MMRN1: variants seen among roughly 807,000 people sequenced by gnomAD.
MMRN1 encodes the protein multimerin 1.
Under a neutral mutation model 100.7 loss-of-function variants are expected in MMRN1, and 94 were observed. That is an observed-to-expected ratio of 0.93 (90% CI 0.79 to 1.11). The LOEUF (loss-of-function observed/expected upper bound fraction) is 1.11, where lower values mean the gene tolerates loss of function less well. Among genes scored for constraint, MMRN1 ranks in the 50% least tolerant of loss-of-function variants. The pLI, the probability that MMRN1 is intolerant of heterozygous loss-of-function variation, is 0.00. For missense variants in MMRN1, 1,606 were observed against 1,439.1 expected, an observed-to-expected ratio of 1.12 and a Z score of -1.88; for synonymous variants, 575 against 505.0, an observed-to-expected ratio of 1.14 and a Z score of -1.86.
chr4:89,928,135 T>C (rs1224936515), intron 5 of MMRN1, among the ~76,000 whole-genome samples, 167 bp downstream of exon 5: 1 of 152,118 alleles, frequency 6.6e-6, no homozygotes, highest in Non-Finnish European at 1.5e-5. Context: ...CTGAAATAAT[T>C]TGAAATATCT....
At position 89,884,491 on chromosome 4, in the gene MMRN1, T is replaced by A. The variant is rs114833699; in HGVS notation, c.-249+4889T>A. Among the ~76,000 whole-genome samples, 1,152 of 152,300 alleles carry A rather than the reference T, an allele frequency of 7.6e-3. 17 individuals carry two copies. The highest frequency in any genetic ancestry group is 0.026 in the African/African-American group (1,064 of 41,564). On this transcript the variant is annotated intron_variant, in intron 1 of 8. Transcript: ENST00000394980. The stretch of plus-strand genomic sequence containing the variant: ...AATGAATTGCTGTTCCCATTGCTTG[T>A]GGCTAGCATATGAACTACGATTAAT...
chr4:89,909,714 C>T (rs960206840), intron 2 of MMRN1, among the ~76,000 whole-genome samples: 12 of 148,696 alleles, frequency 8.1e-5, no homozygotes, highest in African/African-American at 3.0e-4. Flanking sequence ...GGTCAACAAT[C>T]CTGTCCTTAA....
In MMRN1 at chr4:89,909,273, T is replaced by C. The variant is rs1316531949; in HGVS notation, c.624-3T>C. ...TTTCCCTAACAATTATGATCTTCTT[T>C]AGGAATTGGTGTGCTTATGTACATA... On this transcript the variant is annotated splice_polypyrimidine_tract_variant and splice_region_variant and intron_variant, in intron 1 of 7. Coordinates refer to ENST00000264790, the MANE Select transcript of MMRN1 (RefSeq NM_007351.3). The C allele has an allele frequency of 3.2e-6, 5 of 1,582,404 alleles. No individual in the cohort carries two copies. The African/African-American group carries it at 5.5e-5, about 17-fold the overall frequency.
intron 5 of MMRN1, among the ~76,000 whole-genome samples, chr4:89,929,603 T>A (rs1182428902): frequency 6.6e-6 from 1 of 152,094 alleles, no homozygotes; most frequent in Non-Finnish European, 1.5e-5. Context: ...CTGTCAACTG[T>A]TTTTTTGTGA....
intron 2 of MMRN1, 103 bp downstream of exon 2, chr4:89,909,498 G>T: frequency 1.4e-6 from 2 of 1,393,570 alleles, no homozygotes; most frequent in Non-Finnish European, 2.0e-6. Flanking sequence ...ACATAGTAGG[G>T]TCAGGGGATG....
At chr4:89,925,150 T>C (rs1722208052) in intron 4 of MMRN1, among the ~76,000 whole-genome samples, 1 of 151,624 alleles carries the variant, frequency 6.6e-6, no homozygotes, top group Non-Finnish European at 1.5e-5. Flanking sequence ...TTTATTTATT[T>C]ATTTATTTTT....
intron 4 of MMRN1, among the ~76,000 whole-genome samples, chr4:89,924,117 C>A (rs762899816): frequency 1.3e-5 from 2 of 152,102 alleles, no homozygotes; most frequent in Non-Finnish European, 2.9e-5. Flanking sequence ...TTAACGAATA[C>A]CTCAGTAAAC....
intron 4 of MMRN1, among the ~76,000 whole-genome samples, chr4:89,925,599 A>C (rs753531929): frequency 1.3e-5 from 2 of 151,816 alleles, no homozygotes; most frequent in Admixed American, 6.6e-5. Flanking sequence ...TGGGAGGCCA[A>C]GGCGGGTGGA....
chr4:89,912,903 A>G (rs1399719318), intron 3 of MMRN1, among the ~76,000 whole-genome samples: 2 of 151,332 alleles, frequency 1.3e-5, no homozygotes, highest in Non-Finnish European at 3.0e-5. Context: ...ACTAGCCTAT[A>G]CAATGAGAAT....
At chr4:89,899,740 T>C (rs1357469847) in intron 1 of MMRN1, among the ~76,000 whole-genome samples, 1 of 152,084 alleles carries the variant, frequency 6.6e-6, no homozygotes, top group Non-Finnish European at 1.5e-5. Flanking sequence ...GATAGATCTT[T>C]GGCATTTTTC....
chr4:89,911,554 T>C (rs1025501551), intron 2 of MMRN1, among the ~76,000 whole-genome samples: 4 of 151,380 alleles, frequency 2.6e-5, no homozygotes, highest in African/African-American at 7.3e-5. Flanking sequence ...AATACAGATC[T>C]TTTTAAATAT....
At chr4:89,923,648 CTTCAATTCAT>C (rs1452966759) in intron 4 of MMRN1, among the ~76,000 whole-genome samples, 2 of 152,176 alleles carry the variant, frequency 1.3e-5, no homozygotes, top group Admixed American at 6.6e-5. Context: ...AGAAGGCTCT[CTTCAATTCAT>C]TAATAAGAGG....
chr4:89,942,298 A>G (rs969874344), intron 6 of MMRN1, among the ~76,000 whole-genome samples: 2 of 152,192 alleles, frequency 1.3e-5, no homozygotes, highest in African/African-American at 4.8e-5. Context: ...TGCAATAAAC[A>G]TATATTTTTG....
chr4:89,938,971 G>A lies in MMRN1; in HGVS notation c.3118+2173G>A, dbSNP rs180982961. On this transcript the variant is annotated intron_variant, in intron 6 of 7. Transcript: ENST00000264790. ...ATAATGTATGGGACCCTTTTAAGTG[G>A]TTGCATAGGTTTGCATGCCCATTAA... 7.5e-3 allele frequency among the ~76,000 whole-genome samples: 1,140 copies of A among 152,062 alleles called. 17 individuals are homozygous for A. The highest frequency in any genetic ancestry group is 0.024 in the African/African-American group (987 of 41,478).
chr4:89,882,480 T>C (rs758176522), intron 1 of MMRN1, among the ~76,000 whole-genome samples: 17 of 151,884 alleles, frequency 1.1e-4, no homozygotes, highest in Non-Finnish European at 2.1e-4. Flanking sequence ...ACTTAAATTT[T>C]AGTTGAACAC....
At position 89,936,726 on chromosome 4, in the gene MMRN1, A is replaced by G. The variant is rs1324821028; in HGVS notation, c.3046A>G (p.Lys1016Glu). ...SLPKKINALK[K>E]PTVNLTTVLI... ...GCCAAAGAAAATTAACGCACTTAAG[A>G]AACCAACGGTAAATCTTACCACAGT... Residue 1016 changes from lysine (K) to glutamate (E), a missense_variant, in exon 6 of 8, where the codon AAA becomes GAA. Coordinates refer to ENST00000264790, the MANE Select transcript of MMRN1 (RefSeq NM_007351.3). The G allele has an allele frequency of 6.2e-7, 1 of 1,613,338 alleles. No homozygotes were observed. Among genetic ancestry groups the G allele is most frequent in the Admixed American group, 1.7e-5 (1 of 59,942 alleles).
chr4:89,886,158 T>A (rs1453007211), intron 1 of MMRN1, among the ~76,000 whole-genome samples: 1 of 151,596 alleles, frequency 6.6e-6, no homozygotes, highest in Non-Finnish European at 1.5e-5. Context: ...CCCAAAGTAC[T>A]AAGATTACAA....
chr4:89,923,859 G>A (rs1337675406), intron 4 of MMRN1, among the ~76,000 whole-genome samples: 1 of 152,152 alleles, frequency 6.6e-6, no homozygotes, highest in Admixed American at 6.5e-5. Flanking sequence ...TATTCACTGT[G>A]TTTGGCATGG....
At chr4:89,938,476 C>CATATATAT (rs372673572) in intron 6 of MMRN1, among the ~76,000 whole-genome samples, 385 of 123,514 alleles carry the variant, frequency 3.1e-3, no homozygotes, top group East Asian at 4.5e-3. Flanking sequence ...ATTTTTTAAA[C>CATATATAT]ATATATATAT....
Sources: allele counts gnomAD v4.1 joint callset (sites outside exome capture counted in the v4.1 genomes callset), GRCh38; gene constraint gnomAD v4.1.1; transcripts MANE v1.5; gene names NCBI Gene and HGNC (gene_info 2026-07-23, HGNC 2026-07-21).